Variants in CSMD1 observed in about 807,000 individuals in gnomAD.
CSMD1 encodes CUB and Sushi multiple domains 1, also known as CUB and sushi domain-containing protein 1.
Under a neutral mutation model 417.5 loss-of-function variants are expected in CSMD1, and 213 were observed. The ratio of observed to expected loss-of-function variants is 0.51; its 90% CI spans 0.46 to 0.57. The LOEUF (loss-of-function observed/expected upper bound fraction) is 0.57, where lower values mean the gene tolerates loss of function less well. Among genes scored for constraint, CSMD1 ranks in the 20% least tolerant of loss-of-function variants. CSMD1 has a pLI of 0.00. For missense variants in CSMD1, 6,923 were observed against 4,529.7 expected (o/e 1.53, Z -15.17); for synonymous variants, 2,862 against 1,736.8 (o/e 1.65, Z -16.11).
intron 11 of CSMD1, among the ~76,000 whole-genome samples, chr8:3,476,994 A>G (rs1316492079): frequency 6.6e-6 from 1 of 152,036 alleles, no homozygotes; most frequent in Admixed American, 6.5e-5. Flanking sequence ...AAGGGATACT[A>G]CAGTATTTTG....
chr8:4,175,374 T>C (rs1797984777), intron 3 of CSMD1, among the ~76,000 whole-genome samples: 1 of 152,198 alleles, frequency 6.6e-6, no homozygotes, highest in South Asian at 2.1e-4. Flanking sequence ...TGTTGGGCTC[T>C]AGTCTGATCT....
At chr8:4,074,382 T>C (rs1799714585) in intron 3 of CSMD1, among the ~76,000 whole-genome samples, 1 of 152,134 alleles carries the variant, frequency 6.6e-6, no homozygotes, top group African/African-American at 2.4e-5. Context: ...TAGCAGTATT[T>C]TCAATGTCTA....
intron 2 of CSMD1, among the ~76,000 whole-genome samples, chr8:4,455,734 C>A (rs1447242219): frequency 2.0e-5 from 3 of 151,360 alleles, no homozygotes; most frequent in Admixed American, 6.6e-5. Flanking sequence ...AGTTCAAGAC[C>A]AGCCTGGCCA....
intron 5 of CSMD1, among the ~76,000 whole-genome samples, chr8:3,775,512 A>G (rs999828457): frequency 6.6e-6 from 1 of 152,164 alleles, no homozygotes; most frequent in Non-Finnish European, 1.5e-5. Flanking sequence ...AACATTTCCA[A>G]TAGGATCCTA....
intron 39 of CSMD1, among the ~76,000 whole-genome samples, chr8:3,155,689 G>A (rs1289097616): frequency 6.6e-6 from 1 of 152,182 alleles, no homozygotes; most frequent in East Asian, 1.9e-4. Context: ...TTAAACGTCT[G>A]TAAAAGTAGC....
In CSMD1 at chr8:3,259,797, C is replaced by G. The variant is rs148583783; in HGVS notation, c.4153+24347G>C. On this transcript the variant is annotated intron_variant, in intron 26 of 69. Coordinates refer to ENST00000635120, the MANE Select transcript of CSMD1 (RefSeq NM_033225.6). ...ATACTGGAAATCAAATCTGGCCCAT[C>G]AGCTAGTATTGTAGCTTGAAAGCTA... 1.8e-3 allele frequency among the ~76,000 whole-genome samples: 276 copies of G among 152,306 alleles called. 1 individual carries two copies. The highest frequency in any genetic ancestry group is 6.3e-3 in the African/African-American group (263 of 41,574).
chr8:4,505,790 C>T (rs1802492288), intron 2 of CSMD1, among the ~76,000 whole-genome samples: 1 of 151,888 alleles, frequency 6.6e-6, no homozygotes, highest in South Asian at 2.1e-4. Flanking sequence ...ATATGAGTTC[C>T]ACACTCATGT....
At chr8:4,079,509 A>C (rs1049188925) in intron 3 of CSMD1, among the ~76,000 whole-genome samples, 1 of 152,238 alleles carries the variant, frequency 6.6e-6, no homozygotes, top group Non-Finnish European at 1.5e-5. Flanking sequence ...CTATTGAAAC[A>C]ATGAAGACAG....
intron 3 of CSMD1, among the ~76,000 whole-genome samples, chr8:4,416,332 A>C (rs1330272033): frequency 2.0e-5 from 3 of 152,178 alleles, no homozygotes; most frequent in Non-Finnish European, 4.4e-5. Context: ...TGAACTAAAA[A>C]GTCAACCTAA....
intron 3 of CSMD1, among the ~76,000 whole-genome samples, chr8:4,246,861 A>T (rs1394487): frequency 0.23 from 35,544 of 152,164 alleles, 5,296 homozygotes; most frequent in Non-Finnish European, 0.33. Flanking sequence ...ACACTCAAAT[A>T]ATCTACAAAG....
At chr8:3,791,921 C>G (rs1294715272) in intron 5 of CSMD1, among the ~76,000 whole-genome samples, 1 of 152,040 alleles carries the variant, frequency 6.6e-6, no homozygotes, top group Non-Finnish European at 1.5e-5. Context: ...TGGCAAAAAC[C>G]TCAATAGCGT....
rs146863575 is a variant in CSMD1, at chr8:3,305,658, C to G, written c.3950+2037G>C. Among the ~76,000 whole-genome samples, 712 of 152,246 alleles carry G rather than the reference C, an allele frequency of 4.7e-3. 2 individuals carry two copies. The highest frequency in any genetic ancestry group is 0.017 in the African/African-American group (692 of 41,564). On this transcript the variant is annotated intron_variant, in intron 25 of 69. Coordinates refer to ENST00000635120, the MANE Select transcript of CSMD1 (RefSeq NM_033225.6). ...CCCATCCTCCAGAACTGTTAAGAAA[C>G]TAAACTTCTTAACTTACTAAGTCTG...
chr8:4,589,334 T>C (rs981279914), intron 2 of CSMD1, among the ~76,000 whole-genome samples: 6 of 152,242 alleles, frequency 3.9e-5, no homozygotes, highest in African/African-American at 9.6e-5. Context: ...CCATGTTTTT[T>C]CTGCCTAATT....
intron 28 of CSMD1, among the ~76,000 whole-genome samples, chr8:3,223,183 G>C (rs1407795632): frequency 2.0e-5 from 3 of 152,066 alleles, no homozygotes; most frequent in African/African-American, 7.2e-5. Flanking sequence ...TACAGTATTA[G>C]ACCTTCCATC....
chr8:3,285,737 C>T (rs981730481), intron 25 of CSMD1, among the ~76,000 whole-genome samples: 1 of 151,892 alleles, frequency 6.6e-6, no homozygotes, highest in African/African-American at 2.4e-5. Flanking sequence ...ATACATGCAA[C>T]AATTTTTTGC....
chr8:4,888,382 T>C (rs1315531358), intron 1 of CSMD1, among the ~76,000 whole-genome samples: 7 of 152,002 alleles, frequency 4.6e-5, no homozygotes, highest in Admixed American at 3.9e-4. Context: ...TGAGGAGATA[T>C]ATGTATATTT....
chr8:4,470,806 T>C (rs930284669), intron 2 of CSMD1, among the ~76,000 whole-genome samples: 2 of 152,244 alleles, frequency 1.3e-5, no homozygotes, highest in Non-Finnish European at 2.9e-5. Flanking sequence ...TAACACATTC[T>C]TACAGGTTAT....
chr8:4,226,589 G>C (rs62478839), intron 3 of CSMD1, among the ~76,000 whole-genome samples: 14 of 152,034 alleles, frequency 9.2e-5, no homozygotes, highest in African/African-American at 3.4e-4. Flanking sequence ...TATTAAAAGG[G>C]CTGTATTTTT....
chr8:3,957,303 T>G (rs796461602), intron 5 of CSMD1, among the ~76,000 whole-genome samples: 5 of 152,070 alleles, frequency 3.3e-5, no homozygotes, highest in Admixed American at 2.0e-4. Context: ...TCAGAAATAT[T>G]TTTTTAGTTG....
Sources: allele counts gnomAD v4.1 joint callset (sites outside exome capture counted in the v4.1 genomes callset), GRCh38; gene constraint gnomAD v4.1.1; transcripts MANE v1.5; gene names NCBI Gene and HGNC (gene_info 2026-07-23, HGNC 2026-07-21).